Variants in ADAMTSL5 observed in about 807,000 individuals in gnomAD.
ADAMTSL5 encodes the protein ADAMTS-like protein 5.
ADAMTSL5 carries 53 observed loss-of-function variants against 51.7 expected under a neutral mutation model. The ratio of observed to expected loss-of-function variants is 1.03; its 90% CI spans 0.82 to 1.29. The LOEUF is 1.29. ADAMTSL5 is among the 50% of genes most tolerant of loss of function. The pLI is 0.00. For missense variants in ADAMTSL5, 770 were observed against 676.2 expected (o/e 1.14, Z -1.54); for synonymous variants, 285 against 278.7 (o/e 1.02, Z -0.23).
chr19:1,508,232 G>T, intron 6 of ADAMTSL5, 123 bp from the exon 7 acceptor site: 1 of 1,260,250 alleles, frequency 7.9e-7, no homozygotes, highest in Non-Finnish European at 1.1e-6. Flanking sequence ...GCCTAGGGAG[G>T]AGCAGGACCT....
chr19:1,506,694 G>A lies in ADAMTSL5; in HGVS notation c.1043-33C>T. ...ATGGGCGGTGCTGTGAGGGGCACAG[G>A]CCTCAGTCCCCACTCATCCCCCACC... is the stretch of plus-strand genomic sequence containing the variant. On this transcript the variant is annotated intron_variant, in intron 10 of 11. Coordinates refer to ENST00000330475, the MANE Select transcript of ADAMTSL5 (RefSeq NM_213604.3). The surrounding 1 kb of genome is among the most constrained non-coding windows in gnomAD (Gnocchi z 5.6). The A allele has an allele frequency of 6.4e-7, 1 of 1,574,100 alleles. No homozygotes were observed. Among genetic ancestry groups the A allele is most frequent in the Non-Finnish European group, 8.6e-7 (1 of 1,161,156 alleles).
chr19:1,508,315 AG>A (rs1355074039), intron 6 of ADAMTSL5, 127 bp downstream of exon 6: 9 of 519,962 alleles, frequency 1.7e-5, no homozygotes, highest in Middle Eastern at 9.6e-4. Context: ...CTGGAAGGGG[AG>A]GGGGAAGGCG....
In ADAMTSL5 at chr19:1,506,481, C is replaced by T. The variant is rs1248097631; in HGVS notation, c.1114+109G>A. 2.0e-6 allele frequency: 3 copies of T among 1,476,784 alleles called. No homozygotes were observed. Among genetic ancestry groups the T allele is most frequent in the African/African-American group, 2.8e-5 (2 of 72,090 alleles). The allele number at this position is 1,476,784 out of a possible 1,614,324, so 91.5% of individuals were successfully genotyped here. ...TCAATGAGGGATTAGGGTCAAGAGG[C>T]AAATTAGGATCAGAAGAAGGGGTCA... On this transcript the variant is annotated intron_variant, in intron 11 of 11. Coordinates refer to ENST00000330475, the MANE Select transcript of ADAMTSL5 (RefSeq NM_213604.3). The surrounding 1 kb of genome is among the most constrained non-coding windows in gnomAD (Gnocchi z 5.6).
chr19:1,508,086 C>T lies in ADAMTSL5; in HGVS notation c.513G>A (p.Leu171=). ...RCLSAGCDGL[L]GSGALEDRCG... is the part of the protein sequence containing the mutation. ...AGCGGTCCTCGAGGGCACCCGAGCC[C>T]AACAACCCATCACAGCCGGCGCTCT... The change falls in exon 7 of 12, where the codon TTG becomes TTA. Residue 171 remains leucine, a synonymous_variant. Coordinates refer to ENST00000330475, the MANE Select transcript of ADAMTSL5 (RefSeq NM_213604.3). 1 of 1,610,334 alleles carries T rather than the reference C, an allele frequency of 6.2e-7. No individual in the cohort carries two copies.
In ADAMTSL5 at chr19:1,507,647, GGTGGGAGGGTAGGAGGGT is replaced by G. The variant is rs1202657619; in HGVS notation, c.602-22_602-5del. On this transcript the variant is annotated splice_region_variant and splice_polypyrimidine_tract_variant and intron_variant, in intron 7 of 11. Coordinates refer to ENST00000330475, the MANE Select transcript of ADAMTSL5 (RefSeq NM_213604.3). ...TTCCAGTACCCAGCGAAGGCACCTG[GGTGGGAGGGTAGGAGGGT>G]GTTGGGGTGCCAGTGGGGGTGTATT... 1.9e-6 allele frequency: 3 copies of G among 1,613,360 alleles called. No individual in the cohort carries two copies. Among genetic ancestry groups the G allele is most frequent in the Non-Finnish European group, 2.5e-6 (3 of 1,179,860 alleles).
rs265291 is a variant in ADAMTSL5, at chr19:1,510,662, A to G, written c.168T>C (p.Ser56=). Residue 56 remains serine, a synonymous_variant, in exon 3 of 12, where the codon TCT becomes TCC. Coordinates refer to ENST00000330475, the MANE Select transcript of ADAMTSL5 (RefSeq NM_213604.3). ...RCSSSCGRGV[S]VRSRRCLRLP... ...ACCGGAGGCAGCGCCGGCTGCGCACAGAGACGCCACGCCCGCAGGAGCTGG... is the reference window on the plus strand; with the variant it reads ...ACCGGAGGCAGCGCCGGCTGCGCACGGAGACGCCACGCCCGCAGGAGCTGG... The G allele has an allele frequency of 0.93, 1,423,638 of 1,538,878 alleles. 658,915 individuals are homozygous for G. The highest frequency in any genetic ancestry group is 1 in the East Asian group (39,996 of 40,006).
intron 3 of ADAMTSL5, 70 bp from the exon 4 acceptor site, chr19:1,510,498 CCCCG>C: frequency 6.6e-7 from 1 of 1,520,560 alleles, no homozygotes; most frequent in Non-Finnish European, 8.8e-7. Flanking sequence ...CACCCTCCGC[CCCCG>C]CCAACCCCAC....
intron 6 of ADAMTSL5, 84 bp from the exon 7 acceptor site, chr19:1,508,193 A>G: frequency 7.0e-7 from 1 of 1,434,310 alleles, no homozygotes; most frequent in South Asian, 1.2e-5. Context: ...GAGCAAGAGG[A>G]CGAGGCCTGG....
At chr19:1,508,736 T>A (rs1913101225) in intron 5 of ADAMTSL5, 166 bp from the exon 6 acceptor site, 2 of 916,506 alleles carry the variant, frequency 2.2e-6, no homozygotes, top group Non-Finnish European at 3.0e-6. Context: ...GTAGGTGCTC[T>A]GCGTCCAGCA....
intron 3 of ADAMTSL5, 40 bp downstream of exon 3, chr19:1,510,599 G>A (rs561950664): frequency 9.7e-4 from 1,447 of 1,492,950 alleles, no homozygotes; most frequent in Non-Finnish European, 1.2e-3. Flanking sequence ...CTGGGCCGGC[G>A]GGGGAGGAGG....
rs1193901977 is a variant in ADAMTSL5, at chr19:1,510,656, GCGCACAGAGACGCCA to G, written c.159_173del (p.Gly54_Arg58del). ...CCGCTCACCGGAGGCAGCGCCGGCT[GCGCACAGAGACGCCA>G]CGCCCGCAGGAGCTGGAGCAGCGGG... On this transcript the variant is annotated inframe_deletion, in exon 3 of 12. Transcript: ENST00000330475. 1 of 1,539,438 alleles carries G rather than the reference GCGCACAGAGACGCCA, an allele frequency of 6.5e-7. No individual in the cohort carries two copies. The highest frequency in any genetic ancestry group is 2.0e-5 in the Admixed American group (1 of 50,302).
rs1913069227 is a variant in ADAMTSL5, at chr19:1,508,299, C to T, written c.489+144G>A. 3 of 998,726 alleles carry T rather than the reference C, an allele frequency of 3.0e-6. No individual in the cohort carries two copies. The East Asian group carries it at 1.1e-4, about 36-fold the overall frequency. 61.9% of individuals were successfully genotyped at this position (998,726 alleles called of 1,614,324 possible). ...GTGGGTGCCTAAGGGGGGCTGGGGGCAGGGCCTGGAAGGGGAGGGGGAAGG... is the reference window on the plus strand; with the variant it reads ...GTGGGTGCCTAAGGGGGGCTGGGGGTAGGGCCTGGAAGGGGAGGGGGAAGG... On this transcript the variant is annotated intron_variant, in intron 6 of 11. Coordinates refer to ENST00000330475, the MANE Select transcript of ADAMTSL5 (RefSeq NM_213604.3).
intron 5 of ADAMTSL5, among the ~76,000 whole-genome samples, chr19:1,509,277 A>G (rs1454071828): frequency 6.6e-6 from 1 of 150,856 alleles, no homozygotes; most frequent in East Asian, 1.9e-4. Context: ...AAAAAAAAAA[A>G]AAGAAGATCT....
Position 1,510,369 on chromosome 19 carries a change from G to A in ADAMTSL5, c.251C>T (p.Pro84Leu), listed in dbSNP as rs202076670. Residue 84 changes from proline to leucine, a missense_variant and splice_region_variant, in exon 4 of 12, where the codon CCA becomes CTA. Transcript: ENST00000330475. ...DSHEYRLCQLPDCPPGAVPFR... is the reference protein window; with the variant it reads ...DSHEYRLCQLLDCPPGAVPFR... Reference sequence around the variant, plus strand: ...GTCTGGGAGGTGGGCAGGGCTTACTGGCAACTGGCAGAGGCGGTACTCATG... The same window carrying A: ...GTCTGGGAGGTGGGCAGGGCTTACTAGCAACTGGCAGAGGCGGTACTCATG... 202 of 1,613,554 alleles carry A rather than the reference G, an allele frequency of 1.3e-4. No individual in the cohort carries two copies. Among genetic ancestry groups the A allele is most frequent in the Middle Eastern group, 1.7e-4 (1 of 5,970 alleles).
Position 1,506,533 on chromosome 19 carries a change from G to C in ADAMTSL5, c.1114+57C>G, listed in dbSNP as rs543700767. The C allele has an allele frequency of 6.4e-6, 10 of 1,571,878 alleles. No individual in the cohort carries two copies. The highest frequency in any genetic ancestry group is 8.7e-6 in the Non-Finnish European group (10 of 1,152,590). ...GGGTAAAGTCAGATTAGGGTCAGAG[G>C]TCAGGAGGAGGCCAGGTTAGTAGGG... On this transcript the variant is annotated intron_variant, in intron 11 of 11. Transcript: ENST00000330475. The surrounding 1 kb of genome is among the most constrained non-coding windows in gnomAD (Gnocchi z 5.6).
Position 1,506,325 on chromosome 19 carries a change from G to T in ADAMTSL5, c.1115-9C>A. On this transcript the variant is annotated splice_polypyrimidine_tract_variant and intron_variant, in intron 11 of 11. Transcript: ENST00000330475. The surrounding 1 kb of genome is among the most constrained non-coding windows in gnomAD (Gnocchi z 5.6). Reference sequence around the variant, plus strand: ...CACTCGGGCCTGGAACACTGTTGAGGGGACGTGCTAAGCTGGCTGGCTGCT... The same window carrying T: ...CACTCGGGCCTGGAACACTGTTGAGTGGACGTGCTAAGCTGGCTGGCTGCT... 1 of 1,543,830 alleles carries T rather than the reference G, an allele frequency of 6.5e-7. No homozygotes were observed. Among genetic ancestry groups the T allele is most frequent in the Non-Finnish European group, 8.7e-7 (1 of 1,143,342 alleles).
chr19:1,507,615 G>A lies in ADAMTSL5; in HGVS notation c.630C>T (p.Thr210=), dbSNP rs755028562. The stretch of plus-strand genomic sequence containing the variant: ...TGTGTCTGGCGCCCTCGGGGATCAG[G>A]GTCACGTTCCAGTACCCAGCGAAGG... ...AGAFAGYWNV[T]LIPEGARHIR... is the part of the protein sequence containing the mutation. Residue 210 remains threonine, a synonymous_variant, in exon 8 of 12, where the codon ACC becomes ACT. Transcript: ENST00000330475. 5 of 1,613,542 alleles carry A rather than the reference G, an allele frequency of 3.1e-6. No individual in the cohort carries two copies. In the African/African-American group the frequency reaches 5.3e-5, roughly 17 times the overall value.
At chr19:1,509,928 T>G (rs886319658) in intron 5 of ADAMTSL5, among the ~76,000 whole-genome samples, 4 of 152,094 alleles carry the variant, frequency 2.6e-5, no homozygotes, top group Admixed American at 2.6e-4. Context: ...TCTAAGTCAA[T>G]CCTTAGTTGG....
At chr19:1,512,553 A>G (rs900878264) in intron 1 of ADAMTSL5, among the ~76,000 whole-genome samples, 1 of 152,158 alleles carries the variant, frequency 6.6e-6, no homozygotes, top group Non-Finnish European at 1.5e-5. Context: ...GGTGGTGCAC[A>G]CCTGTAATCC....
Sources: gnomAD v4.1 joint callset for allele counts (sites outside exome capture counted in the v4.1 genomes callset) on GRCh38, gnomAD v4.1.1 for gene constraint, Gnocchi (gnomAD v3.1) non-coding constraint, MANE v1.5 for transcripts, NCBI Gene and HGNC (gene_info 2026-07-23, HGNC 2026-07-21) for gene names.